SLC35F4: variants seen among roughly 807,000 people sequenced by gnomAD.
SLC35F4 encodes chromosome 14 open reading frame 36.
In SLC35F4, 24 loss-of-function variants were observed where a neutral mutation model predicts 44.2. The observed-to-expected ratio is 0.54, with a 90% CI of 0.39 to 0.76. The LOEUF is 0.76. SLC35F4 is among the 30% of genes least tolerant of loss of function. The probability of loss-of-function intolerance (pLI) is 0.00; values close to 1 mark genes in which losing one functional copy is unlikely to be tolerated. For synonymous variants in SLC35F4, 238 were observed against 223.6 expected, an observed-to-expected ratio of 1.06 and a Z score of -0.57; for missense variants, 562 against 586.1, an observed-to-expected ratio of 0.96 and a Z score of 0.42.
At chr14:57,800,912 C>G (rs1376232505) in intron 1 of SLC35F4, among the ~76,000 whole-genome samples, 1 of 152,082 alleles carries the variant, frequency 6.6e-6, no homozygotes, top group South Asian at 2.1e-4. Context: ...CTGAAAGAGA[C>G]AGGGAGAATG....
chr14:57,952,796 C>T lies in SLC35F4; in HGVS notation n.282+29117G>A, dbSNP rs113536910. The stretch of plus-strand genomic sequence containing the variant: ...AGAAATATGGGACTATGTGAAAAGA[C>T]CAAATCAACGTTTGATTAGTGCACC... On this transcript the variant is annotated intron_variant and non_coding_transcript_variant, in intron 1 of 1. Transcript: ENST00000556568. Among the ~76,000 whole-genome samples, 542 of 152,024 alleles carry T rather than the reference C, an allele frequency of 3.6e-3. 3 individuals are homozygous for T. Among genetic ancestry groups the T allele is most frequent in the African/African-American group, 0.012 (513 of 41,448 alleles).
intron 1 of SLC35F4, among the ~76,000 whole-genome samples, chr14:57,804,895 C>T (rs2140868358): frequency 6.6e-6 from 1 of 152,100 alleles, no homozygotes; most frequent in South Asian, 2.1e-4. Flanking sequence ...TATCCAGAGT[C>T]TACAAGAGAA....
chr14:57,981,053 AC>A (rs1189417083), intron 1 of SLC35F4, among the ~76,000 whole-genome samples: 1 of 152,164 alleles, frequency 6.6e-6, no homozygotes, highest in Non-Finnish European at 1.5e-5. Flanking sequence ...TCTATTCCCT[AC>A]ACCTGGAAGG....
At chr14:57,963,468 G>A (rs1225493229) in intron 1 of SLC35F4, among the ~76,000 whole-genome samples, 1 of 152,168 alleles carries the variant, frequency 6.6e-6, no homozygotes, top group Non-Finnish European at 1.5e-5. Context: ...CTAAAAGAAC[G>A]AAGGGACACA....
intron 1 of SLC35F4, among the ~76,000 whole-genome samples, chr14:57,885,793 A>G (rs1246322378): frequency 6.6e-6 from 1 of 152,208 alleles, no homozygotes; most frequent in African/African-American, 2.4e-5. Flanking sequence ...ATTCCTATGC[A>G]GTCTTCATAC....
At chr14:57,748,205 T>C (rs569319799) in intron 1 of SLC35F4, among the ~76,000 whole-genome samples, 16 of 152,272 alleles carry the variant, frequency 1.1e-4, no homozygotes, top group African/African-American at 3.8e-4. Context: ...TTTTCACTGG[T>C]AGGTTAGAAA....
chr14:57,676,611 A>G (rs968477486), intron 1 of SLC35F4, among the ~76,000 whole-genome samples: 1 of 152,128 alleles, frequency 6.6e-6, no homozygotes, highest in Non-Finnish European at 1.5e-5. Flanking sequence ...AAGGATATGA[A>G]TAGACAATTC....
chr14:57,766,573 T>C (rs983057910), intron 1 of SLC35F4, among the ~76,000 whole-genome samples: 3 of 152,158 alleles, frequency 2.0e-5, no homozygotes, highest in African/African-American at 7.2e-5. Flanking sequence ...TTAAAGTAAC[T>C]GGGGGACATT....
chr14:57,923,822 G>A (rs984872751), intron 1 of SLC35F4, among the ~76,000 whole-genome samples: 1 of 152,198 alleles, frequency 6.6e-6, no homozygotes, highest in African/African-American at 2.4e-5. Flanking sequence ...ATCTGTCTTA[G>A]TCCATTTTGT....
Position 57,949,761 on chromosome 14 carries a change from CTT to C in SLC35F4, n.282+32150_282+32151del, listed in dbSNP as rs147601209. ...TTAGCATTTGTTTGTCTGAAAAAAACTTTTATCTCTCCTTCATTTATGAAACT... is the reference window on the plus strand; with the variant it reads ...TTAGCATTTGTTTGTCTGAAAAAAACTTATCTCTCCTTCATTTATGAAACT... On this transcript the variant is annotated intron_variant and non_coding_transcript_variant, in intron 1 of 1. Coordinates refer to the SLC35F4 transcript ENST00000556568. 2.6e-3 allele frequency among the ~76,000 whole-genome samples: 397 copies of C among 152,222 alleles called. 13 individuals are homozygous for C. In the East Asian group the frequency reaches 0.068, roughly 26 times the overall value.
intron 1 of SLC35F4, among the ~76,000 whole-genome samples, chr14:57,932,821 A>G (rs2141066982): frequency 6.6e-6 from 1 of 152,166 alleles, no homozygotes; most frequent in East Asian, 1.9e-4. Flanking sequence ...TGCACTCAAA[A>G]AAAAAATTTA....
chr14:57,686,372 G>A (rs1566762674), intron 1 of SLC35F4, among the ~76,000 whole-genome samples: 1 of 152,110 alleles, frequency 6.6e-6, no homozygotes, highest in Non-Finnish European at 1.5e-5. Flanking sequence ...GCTATTTCCA[G>A]CATGAGCTCA....
chr14:57,781,533 T>C (rs2077620747), intron 1 of SLC35F4, among the ~76,000 whole-genome samples: 1 of 152,140 alleles, frequency 6.6e-6, no homozygotes, highest in Non-Finnish European at 1.5e-5. Flanking sequence ...AAAGTGGAGC[T>C]CATATTTGAC....
chr14:57,584,828 C>G (rs143625004), intron 3 of SLC35F4, among the ~76,000 whole-genome samples: 86 of 152,088 alleles, frequency 5.7e-4, no homozygotes, highest in African/African-American at 2.0e-3. Context: ...TTATATAAAA[C>G]TTTTGTTGTT....
chr14:57,942,850 T>C (rs1390137952), intron 1 of SLC35F4, among the ~76,000 whole-genome samples: 2 of 152,224 alleles, frequency 1.3e-5, no homozygotes, highest in African/African-American at 4.8e-5. Flanking sequence ...TTTTCTAATC[T>C]GACCTTTCCA....
intron 1 of SLC35F4, among the ~76,000 whole-genome samples, chr14:57,947,880 T>C (rs34538261): frequency 0.13 from 19,540 of 152,238 alleles, 1,656 homozygotes; most frequent in East Asian, 0.25. Context: ...TAAAACCCAC[T>C]TGATCATGAT....
At chr14:57,612,525 C>A (rs78281189) in intron 1 of SLC35F4, among the ~76,000 whole-genome samples, 1 of 152,204 alleles carries the variant, frequency 6.6e-6, no homozygotes, top group Non-Finnish European at 1.5e-5. Flanking sequence ...CCTAACCACA[C>A]CATATTCTAC....
chr14:57,639,099 A>G (rs903017954), intron 1 of SLC35F4, among the ~76,000 whole-genome samples: 9 of 152,134 alleles, frequency 5.9e-5, no homozygotes, highest in Non-Finnish European at 1.2e-4. Context: ...GCCCTAAGCA[A>G]AAGAGGCTGA....
At chr14:57,902,529 C>T (rs1376544715) in intron 1 of SLC35F4, among the ~76,000 whole-genome samples, 1 of 149,414 alleles carries the variant, frequency 6.7e-6, no homozygotes, top group African/African-American at 2.5e-5. Flanking sequence ...CGCCATTGCA[C>T]TCCAGCCTGG....
Sources: gnomAD v4.1 joint callset for allele counts (sites outside exome capture counted in the v4.1 genomes callset) on GRCh38, gnomAD v4.1.1 for gene constraint, MANE v1.5 for transcripts, NCBI Gene and HGNC (gene_info 2026-07-23, HGNC 2026-07-21) for gene names.